Variants in FBXO46 observed in about 807,000 individuals in gnomAD.
FBXO46 encodes the protein F-box only protein 46.
A neutral mutation model predicts 30.7 loss-of-function variants in FBXO46; 13 were observed. The observed-to-expected ratio is 0.42, with a 90% CI of 0.28 to 0.67. The LOEUF (loss-of-function observed/expected upper bound fraction) is 0.67, where lower values mean the gene tolerates loss of function less well. Ranked by LOEUF, FBXO46 falls within the 30% of genes least tolerant of loss-of-function variation. FBXO46 has a pLI of 0.21. For synonymous variants in FBXO46, 467 were observed against 385.8 expected, an observed-to-expected ratio of 1.21 and a Z score of -2.47; for missense variants, 754 against 871.5, an observed-to-expected ratio of 0.87 and a Z score of 1.70.
intron 1 of FBXO46, among the ~76,000 whole-genome samples, chr19:45,717,567 C>T (rs1307198534): frequency 6.6e-6 from 1 of 152,130 alleles, no homozygotes; most frequent in East Asian, 1.9e-4. Flanking sequence ...TGCAAGGGAG[C>T]GTGGAACAAC....
chr19:45,721,352 C>T (rs1008651731), intron 1 of FBXO46, among the ~76,000 whole-genome samples: 5 of 151,638 alleles, frequency 3.3e-5, no homozygotes, highest in African/African-American at 9.7e-5. Context: ...TCAAAAACAC[C>T]AAAACAGAAA....
chr19:45,723,503 C>G (rs1309851274), intron 1 of FBXO46: 1 of 152,194 alleles, frequency 6.6e-6, no homozygotes, highest in Non-Finnish European at 1.5e-5. Flanking sequence ...AGAGGTGAAG[C>G]CAGGACTCAA....
In FBXO46 at chr19:45,722,504, T is replaced by G. The variant is rs199689958; in HGVS notation, c.-79+8345A>C. ...TTGGCACTGAGGCGTAGCTCACACC[T>G]GTAATCCCAGCACTTTGGGAGGCCC... On this transcript the variant is annotated intron_variant, in intron 1 of 1. Coordinates refer to ENST00000317683, the MANE Select transcript of FBXO46 (RefSeq NM_001080469.2). Among the ~76,000 whole-genome samples, 12 of 152,210 alleles carry G rather than the reference T, an allele frequency of 7.9e-5. No individual in the cohort carries two copies. The East Asian group carries it at 2.3e-3, about 29-fold the overall frequency.
chr19:45,711,663 C>A lies in FBXO46; in HGVS notation c.*21G>T. 4 of 1,507,912 alleles carry A rather than the reference C, an allele frequency of 2.7e-6. No individual in the cohort carries two copies. The highest frequency in any genetic ancestry group is 3.6e-6 in the Non-Finnish European group (4 of 1,122,776). 93.4% of individuals were successfully genotyped at this position (1,507,912 alleles called of 1,614,324 possible). On this transcript the variant is annotated 3_prime_UTR_variant, in exon 2 of 2. Coordinates refer to ENST00000317683, the MANE Select transcript of FBXO46 (RefSeq NM_001080469.2). ...AGGGGAGGGGTGGGCGTGGTGGGCT[C>A]TCCCCTCCCCTCCCCCGGCTTCACC...
intron 1 of FBXO46, among the ~76,000 whole-genome samples, chr19:45,718,294 A>G (rs1026345074): frequency 6.6e-6 from 1 of 152,218 alleles, no homozygotes; most frequent in Admixed American, 6.5e-5. Flanking sequence ...CCACAAGGTC[A>G]CACAGAGCTG....
At chr19:45,727,655 C>T (rs1296232475) in intron 1 of FBXO46, among the ~76,000 whole-genome samples, 1 of 152,134 alleles carries the variant, frequency 6.6e-6, no homozygotes, top group Non-Finnish European at 1.5e-5. Flanking sequence ...GACCCTGCGC[C>T]TCTCTGAAGC....
Position 45,711,340 on chromosome 19 carries a change from A to C in FBXO46, c.*344T>G. The C allele has an allele frequency of 2.0e-6, 1 of 492,880 alleles. No homozygotes were observed. The highest frequency in any genetic ancestry group is 3.9e-6 in the Non-Finnish European group (1 of 258,668). 30.5% of individuals were successfully genotyped at this position (492,880 alleles called of 1,614,324 possible). On this transcript the variant is annotated 3_prime_UTR_variant, in exon 2 of 2. Transcript: ENST00000317683. ...CAGAATGGGGGGACCCTTAAGTGGT[A>C]CCAAAATTAGCTGCCGTCTGCTCCC...
intron 1 of FBXO46, among the ~76,000 whole-genome samples, chr19:45,730,241 C>T (rs1968291338): frequency 6.6e-6 from 1 of 152,078 alleles, no homozygotes; most frequent in Non-Finnish European, 1.5e-5. Flanking sequence ...CCGTATTATC[C>T]TACAGTTCTG....
intron 1 of FBXO46, among the ~76,000 whole-genome samples, chr19:45,730,321 T>C (rs1968292231): frequency 6.6e-6 from 1 of 151,910 alleles, no homozygotes; most frequent in African/African-American, 2.4e-5. Context: ...GCCCCTAATT[T>C]CACGCTCCTT....
chr19:45,732,400 G>A (rs1968331263), upstream of FBXO46, among the ~76,000 whole-genome samples: 1 of 151,542 alleles, frequency 6.6e-6, no homozygotes, highest in Admixed American at 6.6e-5. Flanking sequence ...TAGGTCGTTA[G>A]ATCATCTCCC....
At chr19:45,715,250 C>A (rs752406583) in intron 1 of FBXO46, 1 of 152,212 alleles carries the variant, frequency 6.6e-6, no homozygotes. Context: ...ACCAAAATGA[C>A]CCTTTAAACC....
chr19:45,716,905 C>T (rs982133249), intron 1 of FBXO46: 28 of 152,126 alleles, frequency 1.8e-4, no homozygotes, highest in Admixed American at 1.8e-3. Context: ...GGTAGGAAGT[C>T]AAGACGCGAG....
chr19:45,724,031 G>A (rs1476340790), intron 1 of FBXO46, among the ~76,000 whole-genome samples: 1 of 152,096 alleles, frequency 6.6e-6, no homozygotes, highest in Non-Finnish European at 1.5e-5. Flanking sequence ...CACAGGTTTT[G>A]AAATAAAGAT....
At chr19:45,716,416 T>A (rs1279384769) in intron 1 of FBXO46, 1 of 148,200 alleles carries the variant, frequency 6.7e-6, no homozygotes, top group Admixed American at 6.8e-5. Context: ...CTCCCCCAAA[T>A]ATCGAAAAGC....
intron 1 of FBXO46, chr19:45,716,792 GC>G (rs924270946): frequency 6.6e-6 from 1 of 152,130 alleles, no homozygotes; most frequent in Non-Finnish European, 1.5e-5. Flanking sequence ...TAGGTACTGC[GC>G]TAACAATTCC....
At position 45,711,632 on chromosome 19, in the gene FBXO46, G is replaced by T. The variant is rs759171517; in HGVS notation, c.*52C>A. 7.2e-7 allele frequency: 1 copy of T among 1,390,756 alleles called. No individual in the cohort carries two copies. Among genetic ancestry groups the T allele is most frequent in the African/African-American group, 1.4e-5 (1 of 70,218 alleles). 86.2% of individuals were successfully genotyped at this position (1,390,756 alleles called of 1,614,324 possible). ...CCCAGTCCGGACCCTCGGCTCCCGGGGGGAGAGGGGAGGGGTGGGCGTGGT... is the reference window on the plus strand; with the variant it reads ...CCCAGTCCGGACCCTCGGCTCCCGGTGGGAGAGGGGAGGGGTGGGCGTGGT... On this transcript the variant is annotated 3_prime_UTR_variant, in exon 2 of 2. Transcript: ENST00000317683.
chr19:45,731,071 C>G (rs1968304237), upstream of FBXO46, among the ~76,000 whole-genome samples: 1 of 152,212 alleles, frequency 6.6e-6, no homozygotes, highest in Non-Finnish European at 1.5e-5. Flanking sequence ...GGAGACAAAG[C>G]CGGGGAGGAC....
chr19:45,712,233 CTCCGGGGGCCCG>C lies in FBXO46; in HGVS notation c.1251_1262del (p.Asp417_Pro420del), dbSNP rs1379983223. The C allele has an allele frequency of 6.2e-7, 1 of 1,605,018 alleles. No homozygotes were observed. Among genetic ancestry groups the C allele is most frequent in the Non-Finnish European group, 8.5e-7 (1 of 1,178,050 alleles). On this transcript the variant is annotated inframe_deletion, in exon 2 of 2. Coordinates refer to ENST00000317683, the MANE Select transcript of FBXO46 (RefSeq NM_001080469.2). The surrounding 1 kb of genome is among the most constrained non-coding windows in gnomAD (Gnocchi z 8.8). ...TGGCCGGGGAGTCGGCCGGGGGTGGCTCCGGGGGCCCGTCCGGCCCGCGGTTCTGGAGAAAGA... is the reference window on the plus strand; with the variant it reads ...TGGCCGGGGAGTCGGCCGGGGGTGGCTCCGGCCCGCGGTTCTGGAGAAAGA...
At chr19:45,714,017 A>C (rs1968049033) in intron 1 of FBXO46, among the ~76,000 whole-genome samples, 1 of 148,666 alleles carries the variant, frequency 6.7e-6, no homozygotes. Context: ...TGCCATGCTC[A>C]GGTGAGCAGA....
Sources: allele counts gnomAD v4.1 joint callset (sites outside exome capture counted in the v4.1 genomes callset), GRCh38; gene constraint gnomAD v4.1.1; non-coding constraint Gnocchi (gnomAD v3.1); transcripts MANE v1.5; gene names NCBI Gene and HGNC (gene_info 2026-07-23, HGNC 2026-07-21).